The following WFDC2 variants were observed in gnomAD, a reference collection of about 807,000 sequenced individuals.
WFDC2 encodes WAP four-disulfide core domain protein 2.
In WFDC2, 8 loss-of-function variants were observed where a neutral mutation model predicts 12.5. The observed-to-expected ratio is 0.64, with a 90% confidence interval of 0.37 to 1.15. WFDC2 has a LOEUF of 1.15. WFDC2 is among the 50% of genes most tolerant of loss of function. The pLI is 0.01. For missense variants in WFDC2, 166 were observed against 159.9 expected, an observed-to-expected ratio of 1.04 and a Z score of -0.21; for synonymous variants, 74 against 67.2, an observed-to-expected ratio of 1.10 and a Z score of -0.49.
chr20:45,471,087 C>T, intron 2 of WFDC2: 1 of 468,622 alleles, frequency 2.1e-6, no homozygotes, highest in South Asian at 1.6e-5. Flanking sequence ...AATGTTCTTG[C>T]CCAAGGTCAC....
In WFDC2 at chr20:45,470,491, G is replaced by C. The variant is rs1179383519; in HGVS notation, c.182G>C (p.Cys61Ser). Residue 61 changes from cysteine (C) to serine (S), a missense_variant, in exon 2 of 4, where the codon TGC becomes TCC. Cys to Ser is a moderately radical substitution (Grantham distance 112). Coordinates refer to ENST00000372676, the MANE Select transcript of WFDC2 (RefSeq NM_006103.4). The surrounding 1 kb of genome is among the most constrained non-coding windows in gnomAD (Gnocchi z 5.4). ...AGCGAATGCGCCGACAACCTCAAGT[G>C]CTGCAGCGCGGGCTGTGCCACCTTC... ...SDSECADNLK[C>S]CSAGCATFCS... 6.3e-7 allele frequency: 1 copy of C among 1,598,924 alleles called. No individual in the cohort carries two copies. Among genetic ancestry groups the C allele is most frequent in the Admixed American group, 1.7e-5 (1 of 58,438 alleles).
At chr20:45,476,966 C>T (rs562270074) in intron 2 of WFDC2, among the ~76,000 whole-genome samples, 2 of 151,654 alleles carry the variant, frequency 1.3e-5, no homozygotes, top group East Asian at 1.9e-4. Context: ...TTGATCAATT[C>T]GGCTATTGAT....
At position 45,469,871 on chromosome 20, in the gene WFDC2, C is replaced by T. The variant is rs1482177666; in HGVS notation, c.79+11C>T. On this transcript the variant is annotated intron_variant, in intron 1 of 3. Coordinates refer to ENST00000372676, the MANE Select transcript of WFDC2 (RefSeq NM_006103.4). Reference sequence around the variant, plus strand: ...TCACCCTAGTCTCAGGTGAGTGGGGCGGGGAGAGGCCCGGCGCCTAGAGGG... The same window carrying T: ...TCACCCTAGTCTCAGGTGAGTGGGGTGGGGAGAGGCCCGGCGCCTAGAGGG... The T allele has an allele frequency of 6.3e-7, 1 of 1,599,642 alleles. No homozygotes were observed. The highest frequency in any genetic ancestry group is 1.1e-5 in the South Asian group (1 of 88,892).
At chr20:45,472,187 T>C (rs1365366011) in intron 2 of WFDC2, among the ~76,000 whole-genome samples, 1 of 152,156 alleles carries the variant, frequency 6.6e-6, no homozygotes, top group Non-Finnish European at 1.5e-5. Flanking sequence ...GTTACATAGG[T>C]ATACATGTGC....
At chr20:45,474,604 C>T (rs771453410) in intron 2 of WFDC2, among the ~76,000 whole-genome samples, 2 of 152,134 alleles carry the variant, frequency 1.3e-5, no homozygotes, top group Non-Finnish European at 2.9e-5. Context: ...GATTTTCGCA[C>T]TGATGTTCAT....
chr20:45,476,772 A>G (rs1489586993), intron 2 of WFDC2, among the ~76,000 whole-genome samples: 1 of 152,162 alleles, frequency 6.6e-6, no homozygotes, highest in African/African-American at 2.4e-5. Flanking sequence ...GTGTTTTCCA[A>G]CTTGGTTCCA....
chr20:45,474,881 T>C (rs1991214158), intron 2 of WFDC2, among the ~76,000 whole-genome samples: 1 of 152,234 alleles, frequency 6.6e-6, no homozygotes, highest in African/African-American at 2.4e-5. Context: ...ATTCAGGGAT[T>C]CGACTTCTTC....
Position 45,480,109 on chromosome 20 carries a change from A to G in WFDC2, c.*1+15A>G. The G allele has an allele frequency of 6.2e-7, 1 of 1,612,898 alleles. No individual in the cohort carries two copies. Among genetic ancestry groups the G allele is most frequent in the Non-Finnish European group, 8.5e-7 (1 of 1,178,938 alleles). On this transcript the variant is annotated intron_variant, in intron 3 of 3. Coordinates refer to ENST00000372676, the MANE Select transcript of WFDC2 (RefSeq NM_006103.4). Reference sequence around the variant, plus strand: ...CAATTTCTGAGGTAAGTGAACGGGAAAGAGAAAGTGCATTGATGGCCAGGT... The same window carrying G: ...CAATTTCTGAGGTAAGTGAACGGGAGAGAGAAAGTGCATTGATGGCCAGGT...
In WFDC2 at chr20:45,470,580, T is replaced by G; in HGVS notation, c.223+48T>G. On this transcript the variant is annotated intron_variant, in intron 2 of 3. Coordinates refer to ENST00000372676, the MANE Select transcript of WFDC2 (RefSeq NM_006103.4). This position sits in a 1 kb window ranked among gnomAD's most constrained non-coding sequence, Gnocchi z 5.4. Reference sequence around the variant, plus strand: ...GGAACGGGGCGGGGCCGCGCTGGGCTGGGAGGAGGTGGGAGGGCCCGGGTT... The same window carrying G: ...GGAACGGGGCGGGGCCGCGCTGGGCGGGGAGGAGGTGGGAGGGCCCGGGTT... 1 of 1,504,306 alleles carries G rather than the reference T, an allele frequency of 6.6e-7. No individual in the cohort carries two copies. The highest frequency in any genetic ancestry group is 8.9e-7 in the Non-Finnish European group (1 of 1,123,042). 93.2% of individuals were successfully genotyped at this position (1,504,306 alleles called of 1,614,324 possible).
intron 2 of WFDC2, among the ~76,000 whole-genome samples, chr20:45,472,362 T>C (rs1056648711): frequency 3.3e-5 from 5 of 152,204 alleles, no homozygotes; most frequent in Non-Finnish European, 7.3e-5. Context: ...AGTGAGAACA[T>C]GCGGTATTTG....
At chr20:45,472,914 G>C (rs1991190280) in intron 2 of WFDC2, among the ~76,000 whole-genome samples, 2 of 152,192 alleles carry the variant, frequency 1.3e-5, no homozygotes, top group Admixed American at 6.5e-5. Context: ...TCTCATTGTG[G>C]TTTTGATTTG....
chr20:45,469,850 C>T lies in WFDC2; in HGVS notation c.69C>T (p.Thr23=), dbSNP rs1321475618. The T allele has an allele frequency of 3.7e-6, 6 of 1,609,442 alleles. No individual in the cohort carries two copies. The highest frequency in any genetic ancestry group is 5.1e-6 in the Non-Finnish European group (6 of 1,178,378). Residue 23 remains threonine, a synonymous_variant, in exon 1 of 4, where the codon ACC becomes ACT. Transcript: ENST00000372676. The stretch of plus-strand genomic sequence containing the variant: ...TCAGCCTGCTGCTGTTCGGCTTCAC[C>T]CTAGTCTCAGGTGAGTGGGGCGGGG... The part of the protein sequence containing the change: ...LLLSLLLFGF[T]LVSGTGAEKT...
chr20:45,471,590 C>G (rs1991172975), intron 2 of WFDC2, among the ~76,000 whole-genome samples: 1 of 152,152 alleles, frequency 6.6e-6, no homozygotes, highest in South Asian at 2.1e-4. Flanking sequence ...AGGGCAGCTT[C>G]AAGGTCATGA....
At chr20:45,473,028 A>C (rs941449170) in intron 2 of WFDC2, among the ~76,000 whole-genome samples, 1 of 151,890 alleles carries the variant, frequency 6.6e-6, no homozygotes, top group Non-Finnish European at 1.5e-5. Context: ...CCACGTTCTA[A>C]TGGGGTTTTT....
At chr20:45,474,747 A>G (rs2145503702) in intron 2 of WFDC2, among the ~76,000 whole-genome samples, 1 of 152,322 alleles carries the variant, frequency 6.6e-6, no homozygotes, top group African/African-American at 2.4e-5. Flanking sequence ...TTCAGAAGGA[A>G]TGGTACCAGC....
chr20:45,478,060 T>C (rs7262887), intron 2 of WFDC2, among the ~76,000 whole-genome samples: 18,572 of 152,130 alleles, frequency 0.12, 1,690 homozygotes, highest in East Asian at 0.34. Flanking sequence ...GTGCTGGCAG[T>C]GAGAATTTCA....
intron 2 of WFDC2, among the ~76,000 whole-genome samples, chr20:45,474,145 C>T (rs1311970246): frequency 6.6e-6 from 1 of 152,156 alleles, no homozygotes; most frequent in African/African-American, 2.4e-5. Context: ...TTGACTTCCT[C>T]TTTTCCTAAT....
At chr20:45,469,963 AT>A in intron 1 of WFDC2, 103 bp downstream of exon 1, 8 of 1,429,254 alleles carry the variant, frequency 5.6e-6, no homozygotes, top group Non-Finnish European at 7.6e-6. Context: ...GGAAGTGGGA[AT>A]TCCGGGGGCG....
intron 2 of WFDC2, among the ~76,000 whole-genome samples, chr20:45,478,094 G>A (rs776895484): frequency 3.9e-5 from 6 of 152,178 alleles, no homozygotes; most frequent in Non-Finnish European, 8.8e-5. Context: ...TAGCTTGCTG[G>A]GCTCCATGGG....
Sources: gnomAD v4.1 joint callset for allele counts (sites outside exome capture counted in the v4.1 genomes callset) on GRCh38, gnomAD v4.1.1 for gene constraint, Gnocchi (gnomAD v3.1) non-coding constraint, MANE v1.5 for transcripts, NCBI Gene and HGNC (gene_info 2026-07-23, HGNC 2026-07-21) for gene names.